Variants in GABRG3 observed in about 807,000 individuals in gnomAD.
GABRG3 encodes gamma-aminobutyric acid type A receptor subunit gamma3.
In GABRG3, 25 loss-of-function variants were observed where a neutral mutation model predicts 48.8. The ratio of observed to expected loss-of-function variants is 0.51; its 90% CI spans 0.37 to 0.72. The LOEUF is 0.72. Among genes scored for constraint, GABRG3 ranks in the 30% least tolerant of loss-of-function variants. GABRG3 has a pLI of 0.00. For missense variants in GABRG3, 394 were observed against 577.9 expected (o/e 0.68, Z 3.26); for synonymous variants, 227 against 217.6 (o/e 1.04, Z -0.38).
chr15:27,038,688 T>TGGGGCACA (rs1166771260), intron 3 of GABRG3, among the ~76,000 whole-genome samples: 3 of 152,162 alleles, frequency 2.0e-5, no homozygotes, highest in African/African-American at 7.2e-5. Context: ...TCTTGGGGCC[T>TGGGGCACA]GGGGCACATG....
intron 3 of GABRG3, among the ~76,000 whole-genome samples, chr15:27,294,149 A>G (rs1891896834): frequency 6.6e-6 from 1 of 152,052 alleles, no homozygotes; most frequent in African/African-American, 2.4e-5. Context: ...CCCAGATTGC[A>G]GCAAGTCCAG....
intron 3 of GABRG3, among the ~76,000 whole-genome samples, chr15:27,060,727 A>T (rs1004203483): frequency 6.6e-6 from 1 of 152,186 alleles, no homozygotes; most frequent in East Asian, 1.9e-4. Flanking sequence ...GTAAGGAAGG[A>T]GGGACCTTTC....
At chr15:27,299,641 A>G (rs946665824) in intron 3 of GABRG3, among the ~76,000 whole-genome samples, 2 of 152,158 alleles carry the variant, frequency 1.3e-5, no homozygotes, top group Admixed American at 6.6e-5. Context: ...CAGGGAATCA[A>G]TTCCACTCAG....
chr15:27,301,489 CAG>C (rs574213032), intron 3 of GABRG3, among the ~76,000 whole-genome samples: 69 of 151,912 alleles, frequency 4.5e-4, no homozygotes, highest in Non-Finnish European at 9.0e-4. Context: ...AAATAACTGT[CAG>C]GGGAAGAAGG....
intron 3 of GABRG3, among the ~76,000 whole-genome samples, chr15:27,054,953 C>A (rs545104204): frequency 6.6e-6 from 1 of 151,054 alleles, no homozygotes; most frequent in African/African-American, 2.4e-5. Context: ...AGCGTCAAAC[C>A]TGAGAGTGAA....
At chr15:27,383,420 G>A (rs991093052) in intron 5 of GABRG3, among the ~76,000 whole-genome samples, 1 of 152,158 alleles carries the variant, frequency 6.6e-6, no homozygotes. Flanking sequence ...GAGACTGCAC[G>A]TCTAGGCTGT....
intron 3 of GABRG3, among the ~76,000 whole-genome samples, chr15:27,044,673 G>T (rs57926754): frequency 2.0e-4 from 30 of 152,326 alleles, no homozygotes; most frequent in African/African-American, 6.5e-4. Context: ...GCAGGCCCTA[G>T]AATCAGAATA....
intron 3 of GABRG3, among the ~76,000 whole-genome samples, chr15:27,046,157 G>T (rs1190794688): frequency 6.6e-6 from 1 of 151,988 alleles, no homozygotes; most frequent in Non-Finnish European, 1.5e-5. Flanking sequence ...GCAATGGCAC[G>T]ATCTCAGCTC....
intron 3 of GABRG3, among the ~76,000 whole-genome samples, chr15:27,207,482 C>A (rs889429071): frequency 6.6e-6 from 1 of 152,182 alleles, no homozygotes; most frequent in Admixed American, 6.5e-5. Flanking sequence ...TGTTGCCCAC[C>A]TAAGGGCTTC....
At chr15:27,362,043 G>A (rs1566805870) in intron 5 of GABRG3, among the ~76,000 whole-genome samples, 1 of 152,076 alleles carries the variant, frequency 6.6e-6, no homozygotes, top group Non-Finnish European at 1.5e-5. Flanking sequence ...CCTAGTTCTG[G>A]ACTCAATGTA....
rs895118352 is a variant in GABRG3, at chr15:27,256,076, G to A, written c.271-70733G>A. On this transcript the variant is annotated intron_variant, in intron 3 of 9. Transcript: ENST00000615808. Reference sequence around the variant, plus strand: ...GGGGAGGTTATACTGGATTCTTCACGTGGGCCCAATCCAATCACCAGGGTC... The same window carrying A: ...GGGGAGGTTATACTGGATTCTTCACATGGGCCCAATCCAATCACCAGGGTC... Among the ~76,000 whole-genome samples the A allele has an allele frequency of 4.6e-5, 7 of 152,226 alleles. No homozygotes were observed. In the South Asian group the frequency reaches 1.2e-3, roughly 27 times the overall value.
intron 3 of GABRG3, among the ~76,000 whole-genome samples, chr15:27,276,544 A>G (rs546192276): frequency 6.6e-6 from 1 of 152,206 alleles, no homozygotes; most frequent in Non-Finnish European, 1.5e-5. Context: ...GTAAAGCTTC[A>G]GTGTACTGTA....
In GABRG3 at chr15:27,350,324, T is replaced by C. The variant is rs530343960; in HGVS notation, c.574+21436T>C. On this transcript the variant is annotated intron_variant, in intron 5 of 9. Transcript: ENST00000615808. Reference sequence around the variant, plus strand: ...GTTGCTGTGAATTGGGAAATCACATTTTCTGACTTCTCATCGCGTGTTCTC... The same window carrying C: ...GTTGCTGTGAATTGGGAAATCACATCTTCTGACTTCTCATCGCGTGTTCTC... 49 of 378,818 alleles carry C rather than the reference T, an allele frequency of 1.3e-4. 1 individual carries two copies. Among genetic ancestry groups the C allele is most frequent in the African/African-American group, 9.5e-4 (45 of 47,618 alleles). 23.5% of individuals were successfully genotyped at this position (378,818 alleles called of 1,614,324 possible).
intron 5 of GABRG3, among the ~76,000 whole-genome samples, chr15:27,474,130 G>A (rs1375601303): frequency 1.3e-5 from 2 of 152,166 alleles, no homozygotes; most frequent in Non-Finnish European, 1.5e-5. Context: ...GACTGATGGA[G>A]CAGATTAGGA....
chr15:27,073,177 C>T (rs1231504666), intron 3 of GABRG3, among the ~76,000 whole-genome samples: 4 of 152,336 alleles, frequency 2.6e-5, no homozygotes, highest in South Asian at 2.1e-4. Context: ...TAGAAACTCC[C>T]TCCTGGAAAG....
At chr15:27,296,041 C>T (rs1053133088) in intron 3 of GABRG3, among the ~76,000 whole-genome samples, 15 of 152,114 alleles carry the variant, frequency 9.9e-5, no homozygotes, top group African/African-American at 3.4e-4. Flanking sequence ...CTTGGTCTTC[C>T]GTGCCAGGAG....
At chr15:27,197,139 T>A (rs906630851) in intron 3 of GABRG3, among the ~76,000 whole-genome samples, 31 of 152,342 alleles carry the variant, frequency 2.0e-4, no homozygotes, top group African/African-American at 6.5e-4. Context: ...TGATTTTTTT[T>A]ATTTAATCAT....
rs184034847 is a variant in GABRG3 at position 27,200,780 on chromosome 15, C to T, written c.271-126029C>T. On this transcript the variant is annotated intron_variant, in intron 3 of 9. Transcript: ENST00000615808. Reference sequence around the variant, plus strand: ...ACATTTTACTCACAAAAGCTGGCCTCGGGGTGGACTCGAGCCCAGGTGTGC... The same window carrying T: ...ACATTTTACTCACAAAAGCTGGCCTTGGGGTGGACTCGAGCCCAGGTGTGC... Among the ~76,000 whole-genome samples the T allele has an allele frequency of 2.6e-5, 4 of 152,238 alleles. No individual in the cohort carries two copies. In the East Asian group the frequency reaches 5.8e-4, roughly 22 times the overall value.
At chr15:27,079,143 G>T (rs1896954333) in intron 3 of GABRG3, among the ~76,000 whole-genome samples, 1 of 152,096 alleles carries the variant, frequency 6.6e-6, no homozygotes, top group South Asian at 2.1e-4. Context: ...ACTTGTTTTG[G>T]ACTGTAGGCA....
Sources: allele counts gnomAD v4.1 joint callset (sites outside exome capture counted in the v4.1 genomes callset), GRCh38; gene constraint gnomAD v4.1.1; transcripts MANE v1.5; gene names NCBI Gene and HGNC (gene_info 2026-07-23, HGNC 2026-07-21).